NREP: variants seen among roughly 807,000 people sequenced by gnomAD.
NREP encodes neuronal regeneration related protein.
Under a neutral mutation model 8.6 loss-of-function variants are expected in NREP, and 5 were observed. The ratio of observed to expected loss-of-function variants is 0.58; its 90% confidence interval spans 0.30 to 1.22. The LOEUF (loss-of-function observed/expected upper bound fraction) is 1.22. NREP is among the 50% of genes most tolerant of loss of function. The pLI is 0.07. For synonymous variants in NREP, 27 were observed against 28.0 expected, an observed-to-expected ratio of 0.96 and a Z score of 0.11; for missense variants, 86 against 82.5, an observed-to-expected ratio of 1.04 and a Z score of -0.17.
rs554725587 is a variant in NREP, at chr5:111,882,894, G to A, written c.135+92380C>T. Among the ~76,000 whole-genome samples, 6 of 152,336 alleles carry A rather than the reference G, an allele frequency of 3.9e-5. No individual in the cohort carries two copies. In the South Asian group the frequency reaches 6.2e-4, roughly 16 times the overall value. On this transcript the variant is annotated intron_variant, in intron 2 of 3. Transcript: ENST00000395634. ...ATCATGCCAAATGGTAAAGACCATCGAGGCTAGGAAGAAACTGCATCAACT... is the reference window on the plus strand; with the variant it reads ...ATCATGCCAAATGGTAAAGACCATCAAGGCTAGGAAGAAACTGCATCAACT...
chr5:111,734,456 T>A (rs1748914822), intron 3 of NREP: 1 of 323,454 alleles, frequency 3.1e-6, no homozygotes, highest in African/African-American at 2.1e-5. Flanking sequence ...GTTCACCTAC[T>A]TTCCTGCCAG....
intron 2 of NREP, among the ~76,000 whole-genome samples, chr5:111,959,549 C>A (rs1307061629): frequency 6.6e-6 from 1 of 151,442 alleles, no homozygotes; most frequent in Admixed American, 6.6e-5. Context: ...ATAAAGAAAA[C>A]TTAGTATCCA....
chr5:111,830,394 A>G (rs897535688), intron 2 of NREP, among the ~76,000 whole-genome samples: 4 of 152,358 alleles, frequency 2.6e-5, no homozygotes, highest in East Asian at 1.9e-4. Flanking sequence ...TCAATCCTAA[A>G]TCAGGCAAAG....
intron 2 of NREP, among the ~76,000 whole-genome samples, chr5:111,829,296 T>C (rs1752705685): frequency 6.6e-6 from 1 of 152,228 alleles, no homozygotes; most frequent in Middle Eastern, 3.4e-3. Flanking sequence ...CATAATCAGA[T>C]TTGTATTTTG....
At chr5:111,950,159 T>C (rs1479917201) in intron 2 of NREP, among the ~76,000 whole-genome samples, 1 of 151,986 alleles carries the variant, frequency 6.6e-6, no homozygotes, top group Non-Finnish European at 1.5e-5. Context: ...TCACTGTGGT[T>C]TTGATTTGCA....
At chr5:111,778,693 T>C (rs1459546272) in intron 2 of NREP, among the ~76,000 whole-genome samples, 1 of 152,186 alleles carries the variant, frequency 6.6e-6, no homozygotes, top group Non-Finnish European at 1.5e-5. Context: ...TGTTTGTTTG[T>C]TTGGCTGTGA....
chr5:111,768,504 C>T (rs980330708), intron 2 of NREP, among the ~76,000 whole-genome samples: 1 of 152,042 alleles, frequency 6.6e-6, no homozygotes, highest in Non-Finnish European at 1.5e-5. Flanking sequence ...GTTTTTCAAC[C>T]CTTGCTCTCC....
At chr5:111,869,014 T>C (rs560619195) in intron 2 of NREP, among the ~76,000 whole-genome samples, 1 of 152,332 alleles carries the variant, frequency 6.6e-6, no homozygotes, top group East Asian at 1.9e-4. Context: ...ATAGCCATTG[T>C]ATTTTGGGTC....
intron 2 of NREP, among the ~76,000 whole-genome samples, chr5:111,965,111 G>A (rs1756606060): frequency 6.6e-6 from 1 of 151,980 alleles, no homozygotes; most frequent in African/African-American, 2.4e-5. Context: ...TCATGAGATA[G>A]CTGCAACAGC....
chr5:111,864,970 G>A (rs1348005202), intron 2 of NREP, among the ~76,000 whole-genome samples: 2 of 152,146 alleles, frequency 1.3e-5, no homozygotes, highest in Non-Finnish European at 2.9e-5. Context: ...CAAAGGGGAA[G>A]TTGATAAAGT....
chr5:111,836,225 A>T (rs534161526), intron 2 of NREP, among the ~76,000 whole-genome samples: 1 of 152,172 alleles, frequency 6.6e-6, no homozygotes, highest in South Asian at 2.1e-4. Flanking sequence ...GTCTATAGAA[A>T]GAATGAATGA....
At chr5:111,777,031 G>A (rs1751380418) in intron 2 of NREP, among the ~76,000 whole-genome samples, 1 of 151,052 alleles carries the variant, frequency 6.6e-6, no homozygotes, top group African/African-American at 2.4e-5. Flanking sequence ...GGAGGAGGAA[G>A]GAGGTGGAGG....
chr5:111,975,526 A>C (rs1487102581), intron 1 of NREP: 1 of 611,994 alleles, frequency 1.6e-6, no homozygotes, highest in East Asian at 2.8e-5. Flanking sequence ...GTATAGGATC[A>C]GTTTATTTCC....
chr5:111,756,919 T>C (rs1750749656), intron 1 of NREP, among the ~76,000 whole-genome samples: 3 of 152,174 alleles, frequency 2.0e-5, no homozygotes, highest in Non-Finnish European at 4.4e-5. Context: ...TCCGAACTTG[T>C]GCATTTTAGA....
At chr5:111,804,999 TCAACAA>T (rs36062020) in intron 2 of NREP, among the ~76,000 whole-genome samples, 3 of 150,594 alleles carry the variant, frequency 2.0e-5, no homozygotes, top group East Asian at 2.0e-4. Flanking sequence ...AGACTCCGTC[TCAACAA>T]CAACAACAAC....
intron 2 of NREP, among the ~76,000 whole-genome samples, chr5:111,898,195 G>A (rs956804233): frequency 2.1e-4 from 32 of 152,134 alleles, no homozygotes; most frequent in Non-Finnish European, 4.4e-5. Flanking sequence ...GTTACGTTGA[G>A]AACAGCTATA....
chr5:111,786,169 T>A (rs1751603960), intron 2 of NREP, among the ~76,000 whole-genome samples: 1 of 152,170 alleles, frequency 6.6e-6, no homozygotes, highest in South Asian at 2.1e-4. Context: ...AGGGTTTGAG[T>A]GAGTTCTCAC....
chr5:111,898,727 GAT>G (rs1754572722), intron 2 of NREP, among the ~76,000 whole-genome samples: 1 of 152,126 alleles, frequency 6.6e-6, no homozygotes, highest in Admixed American at 6.6e-5. Flanking sequence ...TAGACATCCA[GAT>G]ATATGCAGCT....
At chr5:111,852,513 T>A (rs1753335104) in intron 2 of NREP, among the ~76,000 whole-genome samples, 1 of 152,186 alleles carries the variant, frequency 6.6e-6, no homozygotes, top group African/African-American at 2.4e-5. Flanking sequence ...AATTTAAATA[T>A]TCTTCTTGTC....
Sources: allele counts gnomAD v4.1 joint callset (sites outside exome capture counted in the v4.1 genomes callset), GRCh38; gene constraint gnomAD v4.1.1; transcripts MANE v1.5; gene names NCBI Gene and HGNC (gene_info 2026-07-23, HGNC 2026-07-21).